WDPCP: variants seen among roughly 807,000 people sequenced by gnomAD.
WDPCP encodes WD repeat-containing and planar cell polarity effector protein fritz homolog.
Under a neutral mutation model 93.1 loss-of-function variants are expected in WDPCP, and 71 were observed. The observed-to-expected ratio is 0.76, with a 90% confidence interval of 0.63 to 0.93. The LOEUF (loss-of-function observed/expected upper bound fraction) is 0.93, where lower values mean the gene tolerates loss of function less well. Ranked by LOEUF, WDPCP falls within the 40% of genes least tolerant of loss-of-function variation. WDPCP has a pLI of 0.00. For missense variants in WDPCP, 844 were observed against 887.4 expected, an observed-to-expected ratio of 0.95 and a Z score of 0.62; for synonymous variants, 315 against 315.0, an observed-to-expected ratio of 1.00 and a Z score of 0.00.
Position 63,313,328 on chromosome 2 carries a change from AATATT to A in WDPCP, c.1749-22_1749-18del, listed in dbSNP as rs148138981. 1 of 1,610,498 alleles carries A rather than the reference AATATT, an allele frequency of 6.2e-7. No individual in the cohort carries two copies. Among genetic ancestry groups the A allele is most frequent in the African/African-American group, 1.3e-5 (1 of 74,934 alleles). On this transcript the variant is annotated intron_variant, in intron 12 of 17. Transcript: ENST00000272321. ...CTCTGGTACCTACAAGGCAGAAAAA[AATATT>A]ATGTTAGTTGTGAACAAGAATATAT...
intron 2 of WDPCP, among the ~76,000 whole-genome samples, chr2:63,736,511 T>C (rs1031655651): frequency 6.6e-6 from 1 of 152,224 alleles, no homozygotes; most frequent in African/African-American, 2.4e-5. Flanking sequence ...CAAACTTTTT[T>C]TTATTGAGAA....
chr2:63,673,725 G>A (rs1450860795), intron 2 of WDPCP, among the ~76,000 whole-genome samples: 1 of 152,148 alleles, frequency 6.6e-6, no homozygotes, highest in African/African-American at 2.4e-5. Flanking sequence ...TCATATATCT[G>A]TACAGTCTAT....
chr2:63,655,028 G>T (rs959054698), intron 2 of WDPCP, among the ~76,000 whole-genome samples: 3 of 152,110 alleles, frequency 2.0e-5, no homozygotes, highest in African/African-American at 7.2e-5. Context: ...AGAGATGAGA[G>T]ACTAGAGAAT....
At chr2:63,434,703 T>G (rs1394076168) in intron 8 of WDPCP, among the ~76,000 whole-genome samples, 1 of 152,110 alleles carries the variant, frequency 6.6e-6, no homozygotes, top group Non-Finnish European at 1.5e-5. Flanking sequence ...TCGAACCACT[T>G]TCTGGGGATT....
intron 13 of WDPCP, among the ~76,000 whole-genome samples, chr2:63,300,418 A>T (rs1444091100): frequency 2.0e-5 from 3 of 152,058 alleles, no homozygotes; most frequent in Admixed American, 2.0e-4. Context: ...TCCATTTTAG[A>T]CCTTTCATGG....
chr2:63,810,578 T>C (rs1460546845), intron 2 of WDPCP, among the ~76,000 whole-genome samples: 1 of 152,168 alleles, frequency 6.6e-6, no homozygotes, highest in Non-Finnish European at 1.5e-5. Flanking sequence ...AAGCAAGCTA[T>C]AAAAGAATTC....
At chr2:63,288,544 A>G (rs927350664) in intron 13 of WDPCP, among the ~76,000 whole-genome samples, 7 of 152,228 alleles carry the variant, frequency 4.6e-5, no homozygotes, top group Admixed American at 2.0e-4. Flanking sequence ...AGATACAGAA[A>G]AGTTTCAAGT....
intron 1 of WDPCP, among the ~76,000 whole-genome samples, chr2:63,532,199 A>G (rs1490184971): frequency 6.6e-6 from 1 of 152,214 alleles, no homozygotes; most frequent in African/African-American, 2.4e-5. Context: ...CCTCCAAGAA[A>G]TATGGTAATA....
chr2:63,588,472 C>T lies in WDPCP; in HGVS notation c.-201G>A, dbSNP rs1709039069. On this transcript the variant is annotated 5_prime_UTR_variant, in exon 1 of 18. Transcript: ENST00000272321. ...CTGAGAAGCTGTCCGGTCGTCCCAACTTATCAATTCCCCCGCCCCTCCAGA... is the reference window on the plus strand; with the variant it reads ...CTGAGAAGCTGTCCGGTCGTCCCAATTTATCAATTCCCCCGCCCCTCCAGA... The T allele has an allele frequency of 1.5e-6, 1 of 664,066 alleles. No individual in the cohort carries two copies. The highest frequency in any genetic ancestry group is 2.4e-5 in the Admixed American group (1 of 41,918). 41.1% of individuals were successfully genotyped at this position (664,066 alleles called of 1,614,324 possible).
At chr2:63,708,013 T>C (rs1318892639) in intron 2 of WDPCP, among the ~76,000 whole-genome samples, 1 of 152,090 alleles carries the variant, frequency 6.6e-6, no homozygotes, top group African/African-American at 2.4e-5. Context: ...AGTACCCAGC[T>C]GTATGAGGTG....
chr2:63,675,907 G>T (rs937926713), intron 2 of WDPCP, among the ~76,000 whole-genome samples: 1 of 152,102 alleles, frequency 6.6e-6, no homozygotes, highest in Non-Finnish European at 1.5e-5. Context: ...CAAATTTATG[G>T]TTTAGTTATA....
In WDPCP at chr2:63,330,867, CTT is replaced by C. The variant is rs70965119; in HGVS notation, c.1749-17558_1749-17557del. Among the ~76,000 whole-genome samples, 681 of 86,844 alleles carry C rather than the reference CTT, an allele frequency of 7.8e-3. 2 individuals carry two copies. The highest frequency in any genetic ancestry group is 0.03 in the Middle Eastern group (4 of 132). The allele number at this position is 86,844 out of a possible 152,430, so 57.0% of individuals were successfully genotyped here. A position where few individuals can be genotyped will look rare whatever the true frequency, so the allele number is the denominator to read the frequency against. Reference sequence around the variant, plus strand: ...TGCATATGTTCACTGTTCCCCAAGGCTTTTTTTTTTTTTTTTTTTTTGAGACG... The same window carrying C: ...TGCATATGTTCACTGTTCCCCAAGGCTTTTTTTTTTTTTTTTTTTGAGACG... On this transcript the variant is annotated intron_variant, in intron 12 of 17. Coordinates refer to ENST00000272321, the MANE Select transcript of WDPCP (RefSeq NM_015910.7).
intron 12 of WDPCP, among the ~76,000 whole-genome samples, chr2:63,343,773 T>G (rs186861768): frequency 2.0e-5 from 3 of 152,330 alleles, no homozygotes; most frequent in Admixed American, 2.0e-4. Flanking sequence ...TTTTAATGCT[T>G]CTTCTGCCAG....
chr2:63,174,807 C>G lies in WDPCP; in HGVS notation c.1941G>C (p.Gly647=). 6.2e-7 allele frequency: 1 copy of G among 1,613,756 alleles called. No homozygotes were observed. Among genetic ancestry groups the G allele is most frequent in the Non-Finnish European group, 8.5e-7 (1 of 1,179,842 alleles). ...CAATAAATGCTTCATTTAGCATATC[C>G]CCTCTGTCCAAGGGTCCCAGGAGTT... ...GVELLGPLDR[G]DMLNEAFIGL... is the part of the protein sequence containing the mutation. The change falls in exon 15 of 18, where the codon GGG becomes GGC. Residue 647 remains glycine (G), a synonymous_variant. Coordinates refer to ENST00000272321, the MANE Select transcript of WDPCP (RefSeq NM_015910.7).
At chr2:63,510,749 A>G (rs543386183) in intron 1 of WDPCP, among the ~76,000 whole-genome samples, 1 of 152,328 alleles carries the variant, frequency 6.6e-6, no homozygotes, top group African/African-American at 2.4e-5. Context: ...CAAAGCAGGC[A>G]GATCACAAGT....
chr2:63,574,044 A>C (rs1707742294), intron 1 of WDPCP, among the ~76,000 whole-genome samples: 2 of 152,166 alleles, frequency 1.3e-5, no homozygotes, highest in South Asian at 4.1e-4. Context: ...ATCAATGACA[A>C]TGTGTGCCCG....
At chr2:63,509,150 G>A (rs1026250670) in intron 1 of WDPCP, among the ~76,000 whole-genome samples, 1 of 151,990 alleles carries the variant, frequency 6.6e-6, no homozygotes, top group African/African-American at 2.4e-5. Context: ...GCACCACATA[G>A]CCCTTATTCT....
At chr2:63,264,695 C>T (rs1439579973) in intron 13 of WDPCP, among the ~76,000 whole-genome samples, 1 of 152,126 alleles carries the variant, frequency 6.6e-6, no homozygotes, top group Non-Finnish European at 1.5e-5. Context: ...AATGAGGAGA[C>T]ATCAATTTAA....
intron 1 of WDPCP, among the ~76,000 whole-genome samples, chr2:63,552,836 T>C (rs1330301778): frequency 1.3e-5 from 2 of 152,186 alleles, no homozygotes; most frequent in Non-Finnish European, 1.5e-5. Context: ...TAGCAAACTT[T>C]TAGAAAATAA....
Sources: gnomAD v4.1 joint callset for allele counts (sites outside exome capture counted in the v4.1 genomes callset) on GRCh38, gnomAD v4.1.1 for gene constraint, MANE v1.5 for transcripts, NCBI Gene and HGNC (gene_info 2026-07-23, HGNC 2026-07-21) for gene names.